The following FBXL7 variants were observed in gnomAD, a reference collection of about 807,000 sequenced individuals.
FBXL7 encodes F-box and leucine rich repeat protein 7.
A neutral mutation model predicts 38.3 loss-of-function variants in FBXL7; 12 were observed. That is an observed-to-expected ratio of 0.31 (90% confidence interval 0.20 to 0.51). FBXL7 has a LOEUF of 0.51. Ranked by LOEUF, FBXL7 falls within the 20% of genes least tolerant of loss-of-function variation. FBXL7 has a pLI of 0.98. For synonymous variants in FBXL7, 297 were observed against 300.9 expected (o/e 0.99, Z 0.13); for missense variants, 567 against 676.4 (o/e 0.84, Z 1.79).
chr5:15,698,246 A>G (rs547616253), intron 2 of FBXL7, among the ~76,000 whole-genome samples: 2 of 152,322 alleles, frequency 1.3e-5, no homozygotes, highest in Admixed American at 1.3e-4. Flanking sequence ...CTTCCAGAAC[A>G]TAGGCAAATT....
At chr5:15,622,639 T>A (rs1740692932) in intron 2 of FBXL7, among the ~76,000 whole-genome samples, 4 of 152,216 alleles carry the variant, frequency 2.6e-5, no homozygotes, top group Admixed American at 2.6e-4. Context: ...GGCTGCATAG[T>A]CTTCCATGGC....
In FBXL7 at chr5:15,778,879, G is replaced by A. The variant is rs140713265; in HGVS notation, c.128-149011G>A. On this transcript the variant is annotated intron_variant, in intron 2 of 3. Coordinates refer to ENST00000504595, the MANE Select transcript of FBXL7 (RefSeq NM_012304.5). ...GATCATGAAAGGATAATCTTGCTAG[G>A]GATAATGTGTTTAATAGCAGAGCAC... 1.6e-4 allele frequency among the ~76,000 whole-genome samples: 24 copies of A among 152,108 alleles called. No individual in the cohort carries two copies. In the Middle Eastern group the frequency reaches 0.01, roughly 65 times the overall value.
chr5:15,745,496 A>T (rs889089769), intron 2 of FBXL7, among the ~76,000 whole-genome samples: 1 of 152,208 alleles, frequency 6.6e-6, no homozygotes, highest in Non-Finnish European at 1.5e-5. Flanking sequence ...AAATTATATT[A>T]TGGTGTTAAT....
At position 15,555,784 on chromosome 5, in the gene FBXL7, GAGATAGATAGAT is replaced by G. The variant is rs70938016; in HGVS notation, c.37+55098_37+55109del. 4.4e-3 allele frequency among the ~76,000 whole-genome samples: 620 copies of G among 139,796 alleles called. 2 individuals carry two copies. The highest frequency in any genetic ancestry group is 0.013 in the African/African-American group (499 of 37,584). The allele number at this position is 139,796 out of a possible 152,430, so 91.7% of individuals were successfully genotyped here. On this transcript the variant is annotated intron_variant, in intron 1 of 3. Coordinates refer to ENST00000504595, the MANE Select transcript of FBXL7 (RefSeq NM_012304.5). Reference sequence around the variant, plus strand: ...GATTGGTTAGTGGAGAAGGGTAGATGAGATAGATAGATAGATAGATAGATAGATAGATAGATA... The same window carrying G: ...GATTGGTTAGTGGAGAAGGGTAGATGAGATAGATAGATAGATAGATAGATA...
rs575840762 is a variant in FBXL7, at chr5:15,543,464, T to C, written c.37+42751T>C. 2.0e-5 allele frequency among the ~76,000 whole-genome samples: 3 copies of C among 152,290 alleles called. No individual in the cohort carries two copies. In the East Asian group the frequency reaches 5.8e-4, roughly 29 times the overall value. ...TGGGTGAGATTTTGGCCAGGTCATA[T>C]CAATCAGCAACCCCAATTTGGTTCA... is the stretch of plus-strand genomic sequence containing the variant. On this transcript the variant is annotated intron_variant, in intron 1 of 3. Transcript: ENST00000504595.
intron 2 of FBXL7, among the ~76,000 whole-genome samples, chr5:15,913,723 G>A (rs535278219): frequency 1.3e-5 from 2 of 152,300 alleles, no homozygotes; most frequent in East Asian, 3.9e-4. Flanking sequence ...AGTGCAACTC[G>A]AAGATTGAAA....
intron 2 of FBXL7, among the ~76,000 whole-genome samples, chr5:15,902,007 A>G (rs977018194): frequency 1.3e-5 from 2 of 152,228 alleles, no homozygotes; most frequent in East Asian, 3.8e-4. Flanking sequence ...TGCATATAAT[A>G]GGCCCCATAA....
At chr5:15,514,408 T>G (rs1201843535) in intron 1 of FBXL7, among the ~76,000 whole-genome samples, 2 of 152,162 alleles carry the variant, frequency 1.3e-5, no homozygotes, top group Non-Finnish European at 2.9e-5. Context: ...TAGGAATACC[T>G]GTAAGCTTTT....
At position 15,513,640 on chromosome 5, in the gene FBXL7, G is replaced by A. The variant is rs544062770; in HGVS notation, c.37+12927G>A. On this transcript the variant is annotated intron_variant, in intron 1 of 3. Transcript: ENST00000504595. Reference sequence around the variant, plus strand: ...GAGGGGATTTTACTCTGCATGACACGAGCCTGGGTGACCTTCATTTTGAAG... The same window carrying A: ...GAGGGGATTTTACTCTGCATGACACAAGCCTGGGTGACCTTCATTTTGAAG... Among the ~76,000 whole-genome samples, 4 of 152,286 alleles carry A rather than the reference G, an allele frequency of 2.6e-5. No individual in the cohort carries two copies. In the South Asian group the frequency reaches 8.3e-4, roughly 32 times the overall value.
chr5:15,883,015 C>G (rs1740523727), intron 2 of FBXL7, among the ~76,000 whole-genome samples: 1 of 152,022 alleles, frequency 6.6e-6, no homozygotes, highest in East Asian at 1.9e-4. Flanking sequence ...GTCTTAGCCT[C>G]AGACACATTA....
intron 1 of FBXL7, among the ~76,000 whole-genome samples, chr5:15,542,627 A>C (rs1034991501): frequency 1.3e-5 from 2 of 152,222 alleles, no homozygotes; most frequent in Non-Finnish European, 2.9e-5. Context: ...CAGAGATTCC[A>C]AACTTCTAAT....
intron 2 of FBXL7, among the ~76,000 whole-genome samples, chr5:15,714,618 G>A (rs1349679901): frequency 1.3e-5 from 2 of 152,182 alleles, no homozygotes; most frequent in Admixed American, 1.3e-4. Flanking sequence ...CCTTTAGGAG[G>A]CCGAGGCGGG....
intron 2 of FBXL7, among the ~76,000 whole-genome samples, chr5:15,634,510 G>T (rs954226102): frequency 2.7e-5 from 4 of 149,340 alleles, no homozygotes; most frequent in African/African-American, 1.0e-4. Context: ...TTAGTTGGGG[G>T]GGGGGTTTAC....
chr5:15,509,009 C>T (rs1474165206), intron 1 of FBXL7, among the ~76,000 whole-genome samples: 1 of 152,174 alleles, frequency 6.6e-6, no homozygotes, highest in African/African-American at 2.4e-5. Flanking sequence ...ATCTACTAAA[C>T]TTGAAGCAAG....
At chr5:15,754,213 AC>A (rs1381699388) in intron 2 of FBXL7, among the ~76,000 whole-genome samples, 1 of 152,166 alleles carries the variant, frequency 6.6e-6, no homozygotes, top group Non-Finnish European at 1.5e-5. Flanking sequence ...ACATTGGGTG[AC>A]TTTTATGCTC....
intron 2 of FBXL7, among the ~76,000 whole-genome samples, chr5:15,835,868 T>TA (rs1306042992): frequency 6.6e-6 from 1 of 152,158 alleles, no homozygotes; most frequent in Non-Finnish European, 1.5e-5. Flanking sequence ...CTCAAGTAAC[T>TA]AAAAAAACTA....
At chr5:15,829,105 T>G (rs1738388493) in intron 2 of FBXL7, among the ~76,000 whole-genome samples, 1 of 152,184 alleles carries the variant, frequency 6.6e-6, no homozygotes, top group African/African-American at 2.4e-5. Flanking sequence ...TAATATAGCT[T>G]GAGTTCTCAG....
intron 1 of FBXL7, among the ~76,000 whole-genome samples, chr5:15,605,823 G>C (rs1294003859): frequency 6.6e-6 from 1 of 152,100 alleles, no homozygotes; most frequent in African/African-American, 2.4e-5. Context: ...GCTTCACTTT[G>C]TCATTTGGCA....
chr5:15,565,278 G>A (rs1403219800), intron 1 of FBXL7, among the ~76,000 whole-genome samples: 1 of 152,000 alleles, frequency 6.6e-6, no homozygotes, highest in East Asian at 1.9e-4. Context: ...TGTTTTTACA[G>A]TAAAAATGTG....
Sources: allele counts gnomAD v4.1 joint callset (sites outside exome capture counted in the v4.1 genomes callset), GRCh38; gene constraint gnomAD v4.1.1; transcripts MANE v1.5; gene names NCBI Gene and HGNC (gene_info 2026-07-23, HGNC 2026-07-21).